Variants in NR3C2 observed in about 807,000 individuals in gnomAD.
The protein encoded by NR3C2 is mineralocorticoid receptor.
Under a neutral mutation model 86.4 loss-of-function variants are expected in NR3C2, and 15 were observed. The ratio of observed to expected loss-of-function variants is 0.17; its 90% CI spans 0.12 to 0.27. The LOEUF is 0.27. Ranked by LOEUF, NR3C2 falls within the 10% of genes least tolerant of loss-of-function variation. The pLI, the probability that NR3C2 is intolerant of heterozygous loss-of-function variation, is 1.00. For missense variants in NR3C2, 960 were observed against 1,195.6 expected (o/e 0.80, Z 2.91); for synonymous variants, 458 against 450.5 (o/e 1.02, Z -0.21).
At chr4:148,264,787 T>C (rs1390416109) in intron 2 of NR3C2, among the ~76,000 whole-genome samples, 1 of 152,194 alleles carries the variant, frequency 6.6e-6, no homozygotes, top group Non-Finnish European at 1.5e-5. Flanking sequence ...AAAAACAACG[T>C]ATTCTGAAAC....
At chr4:148,347,785 G>GTAA (rs1000089610) in intron 2 of NR3C2, among the ~76,000 whole-genome samples, 1 of 152,012 alleles carries the variant, frequency 6.6e-6, no homozygotes, top group African/African-American at 2.4e-5. Flanking sequence ...TTCCTTCATA[G>GTAA]TAATAATAAT....
chr4:148,133,931 C>G (rs1354627146), intron 6 of NR3C2, among the ~76,000 whole-genome samples: 1 of 152,170 alleles, frequency 6.6e-6, no homozygotes, highest in Admixed American at 6.5e-5. Flanking sequence ...CACTTGCTTT[C>G]TATCTTCTTA....
chr4:148,129,479 A>G (rs1428730194), intron 6 of NR3C2, among the ~76,000 whole-genome samples: 1 of 152,234 alleles, frequency 6.6e-6, no homozygotes, highest in African/African-American at 2.4e-5. Flanking sequence ...GTACACGTAA[A>G]AAGGGTTAGA....
At chr4:148,299,925 A>G (rs1372682181) in intron 2 of NR3C2, among the ~76,000 whole-genome samples, 1 of 152,006 alleles carries the variant, frequency 6.6e-6, no homozygotes, top group Non-Finnish European at 1.5e-5. Flanking sequence ...CCCAGCTATC[A>G]CTGTTTATAT....
intron 2 of NR3C2, among the ~76,000 whole-genome samples, chr4:148,404,465 G>GT (rs1226925963): frequency 6.6e-6 from 1 of 152,008 alleles, no homozygotes; most frequent in Non-Finnish European, 1.5e-5. Flanking sequence ...TGTGTTGTTT[G>GT]TTTTTTGGGG....
intron 3 of NR3C2, among the ~76,000 whole-genome samples, chr4:148,209,879 T>G (rs1220828621): frequency 1.3e-5 from 2 of 152,044 alleles, no homozygotes; most frequent in Non-Finnish European, 2.9e-5. Flanking sequence ...CTTTTCCCAC[T>G]CCCCCAATCC....
At chr4:148,371,548 GA>G (rs1172723880) in intron 2 of NR3C2, among the ~76,000 whole-genome samples, 3 of 151,548 alleles carry the variant, frequency 2.0e-5, no homozygotes, top group Non-Finnish European at 2.9e-5. Flanking sequence ...TATTGAAAGT[GA>G]AAAATTTTAT....
intron 2 of NR3C2, among the ~76,000 whole-genome samples, chr4:148,320,731 A>G (rs922423611): frequency 2.8e-4 from 43 of 151,948 alleles, no homozygotes; most frequent in African/African-American, 9.9e-4. Context: ...TATCCCCTTT[A>G]TCATTTTTTT....
intron 5 of NR3C2, among the ~76,000 whole-genome samples, chr4:148,153,780 G>A (rs1159510394): frequency 6.6e-6 from 1 of 152,080 alleles, no homozygotes; most frequent in Non-Finnish European, 1.5e-5. Flanking sequence ...GGGTGCTGGG[G>A]GCCAGGTGAT....
At chr4:148,270,147 A>C (rs6820304) in intron 2 of NR3C2, among the ~76,000 whole-genome samples, 86,874 of 151,348 alleles carry the variant, frequency 0.57, 25,369 homozygotes, top group East Asian at 0.85. Flanking sequence ...GCTGACCTTT[A>C]TCAGCAACAA....
At chr4:148,297,099 A>G (rs1742089492) in intron 2 of NR3C2, among the ~76,000 whole-genome samples, 1 of 152,218 alleles carries the variant, frequency 6.6e-6, no homozygotes, top group Non-Finnish European at 1.5e-5. Flanking sequence ...TGATCTTTCC[A>G]TGAACACAGA....
chr4:148,212,969 AT>A (rs1017522767), intron 3 of NR3C2, among the ~76,000 whole-genome samples: 3 of 152,356 alleles, frequency 2.0e-5, no homozygotes, highest in African/African-American at 7.2e-5. Context: ...ATTTTAAGGT[AT>A]AAAAACTGTT....
chr4:148,381,951 T>C (rs1195854867), intron 2 of NR3C2, among the ~76,000 whole-genome samples: 1 of 152,208 alleles, frequency 6.6e-6, no homozygotes, highest in Non-Finnish European at 1.5e-5. Flanking sequence ...CACACCACTG[T>C]CATTTACCTA....
At chr4:148,364,883 A>C (rs1213240789) in intron 2 of NR3C2, among the ~76,000 whole-genome samples, 2 of 151,976 alleles carry the variant, frequency 1.3e-5, no homozygotes, top group Non-Finnish European at 2.9e-5. Context: ...CCCAAGTCTA[A>C]ACATGAAATT....
intron 2 of NR3C2, among the ~76,000 whole-genome samples, chr4:148,321,026 T>A (rs1214343801): frequency 6.6e-6 from 1 of 151,152 alleles, no homozygotes; most frequent in African/African-American, 2.4e-5. Flanking sequence ...GTGCTATAAA[T>A]CTCCCTCTAC....
chr4:148,354,670 A>C (rs1443176302), intron 2 of NR3C2, among the ~76,000 whole-genome samples: 1 of 152,222 alleles, frequency 6.6e-6, no homozygotes, highest in Non-Finnish European at 1.5e-5. Context: ...TCCTGATACA[A>C]AACAATAATG....
chr4:148,196,876 T>C (rs545738047), intron 3 of NR3C2, among the ~76,000 whole-genome samples: 2 of 152,166 alleles, frequency 1.3e-5, no homozygotes, highest in African/African-American at 4.8e-5. Context: ...AAATGGTAAC[T>C]GATAAATATA....
intron 2 of NR3C2, among the ~76,000 whole-genome samples, chr4:148,405,291 CTTGCAAATA>C (rs1299956872): frequency 1.3e-5 from 2 of 152,198 alleles, no homozygotes; most frequent in Non-Finnish European, 2.9e-5. Context: ...GTAAAGATAT[CTTGCAAATA>C]TTTTGCCAAC....
At chr4:148,279,400 CT>C (rs1741123921) in intron 2 of NR3C2, among the ~76,000 whole-genome samples, 1 of 152,066 alleles carries the variant, frequency 6.6e-6, no homozygotes, top group South Asian at 2.1e-4. Flanking sequence ...GCTTTAATTC[CT>C]TTTCTTCACA....
Sources: gnomAD v4.1 joint callset for allele counts (sites outside exome capture counted in the v4.1 genomes callset) on GRCh38, gnomAD v4.1.1 for gene constraint, MANE v1.5 for transcripts, NCBI Gene and HGNC (gene_info 2026-07-23, HGNC 2026-07-21) for gene names.